Variants in ABCC6 observed in about 807,000 individuals in gnomAD.
ABCC6 encodes the protein ATP binding cassette subfamily C member 6.
A neutral mutation model predicts 169.5 loss-of-function variants in ABCC6; 126 were observed. The ratio of observed to expected loss-of-function variants is 0.74; its 90% CI spans 0.64 to 0.86. ABCC6 has a LOEUF of 0.86. Ranked by LOEUF, ABCC6 falls within the 40% of genes least tolerant of loss-of-function variation. The probability of loss-of-function intolerance (pLI) is 0.00; values close to 1 mark genes in which losing one functional copy is unlikely to be tolerated. For synonymous variants in ABCC6, 752 were observed against 814.7 expected, an observed-to-expected ratio of 0.92 and a Z score of 1.31; for missense variants, 1,733 against 1,927.2, an observed-to-expected ratio of 0.90 and a Z score of 1.89.
Position 16,159,540 on chromosome 16 carries a change from A to G in ABCC6, c.3677T>C (p.Leu1226Pro), listed in dbSNP as rs770483331. 1 of 1,613,910 alleles carries G rather than the reference A, an allele frequency of 6.2e-7. No individual in the cohort carries two copies. Among genetic ancestry groups the G allele is most frequent in the Non-Finnish European group, 8.5e-7 (1 of 1,179,998 alleles). The part of the protein sequence containing the change: ...LQWVVRNWTD[L>P]ENSIVSVERM... ...CTCCACTGACACGATGCTGTTCTCT[A>G]GGTCTGTCCAGTTGCGAACAACCCA... Residue 1226 changes from leucine (L) to proline (P), a missense_variant, in exon 26 of 31, where the codon CTA becomes CCA. By Grantham distance (98) the Leu-to-Pro change is moderately conservative (BLOSUM62 -3). Transcript: ENST00000205557.
intron 10 of ABCC6, among the ~76,000 whole-genome samples, chr16:16,194,396 C>A (rs889176617): frequency 6.6e-6 from 1 of 152,186 alleles, no homozygotes; most frequent in Admixed American, 6.5e-5. Flanking sequence ...GAAATTCTTC[C>A]GTTTGTCTGA....
intron 20 of ABCC6, among the ~76,000 whole-genome samples, chr16:16,174,761 C>CCCG (rs201139175): frequency 0.18 from 20,149 of 110,664 alleles, 3,702 homozygotes; most frequent in South Asian, 0.31. Context: ...TGTCTCAAAA[C>CCCG]CCCCCCCCGC....
Position 16,154,678 on chromosome 16 carries a change from G to C in ABCC6, c.4158C>G (p.Ser1386Arg). The C allele has an allele frequency of 6.2e-7, 1 of 1,613,278 alleles. No homozygotes were observed. Among genetic ancestry groups the C allele is most frequent in the Non-Finnish European group, 8.5e-7 (1 of 1,179,996 alleles). ...ETVQLKALVA[S>R]LPGQLQYKCA... ...ACTTGTACTGCAGCTGGCCGGGCAG[G>C]CTGGCCACCAAGGCTTTGAGCTGCA... The change falls in exon 29 of 31, where the codon AGC becomes AGG. Residue 1386 changes from serine (S) to arginine (R), a missense_variant. Physicochemically the swap from Ser to Arg is moderately radical, Grantham distance 110 (BLOSUM62 -1). This residue lies in a region of ABCC6 where 1,601 missense variants were observed against 1,635.5 expected (regional missense o/e 0.98). Transcript: ENST00000205557.
At chr16:16,215,088 C>A (rs531497267) in intron 4 of ABCC6, among the ~76,000 whole-genome samples, 1 of 152,240 alleles carries the variant, frequency 6.6e-6, no homozygotes, top group East Asian at 1.9e-4. Flanking sequence ...CTCCGTTCCA[C>A]CCTCTACCCC....
At chr16:16,212,734 C>A (rs2048682299) in intron 5 of ABCC6, among the ~76,000 whole-genome samples, 1 of 151,970 alleles carries the variant, frequency 6.6e-6, no homozygotes, top group Non-Finnish European at 1.5e-5. Flanking sequence ...ACAGGCCTGA[C>A]AATGTCCACA....
At chr16:16,160,246 C>G (rs887538308) in intron 25 of ABCC6, among the ~76,000 whole-genome samples, 1 of 152,180 alleles carries the variant, frequency 6.6e-6, no homozygotes. Flanking sequence ...CATGCTCCAG[C>G]CTCTTACTTC....
In ABCC6 at chr16:16,182,881, C is replaced by G. The variant is rs774573071; in HGVS notation, c.1993G>C (p.Val665Leu). The stretch of plus-strand genomic sequence containing the variant: ...AGCAGGGAGGACTTCCCTGCCCCCA[C>G]TGGACCGACAACAGCCAGCAGACAG... ...QGCLLAVVGP[V>L]GAGKSSLLSA... is the part of the protein sequence containing the mutation. The change falls in exon 16 of 31, where the codon GTG (valine) becomes CTG (leucine). Residue 665 changes from valine to leucine, a missense_variant. Val to Leu is a conservative substitution (Grantham distance 32, BLOSUM62 1). This residue lies in a region of ABCC6 where 1,601 missense variants were observed against 1,635.5 expected (regional missense o/e 0.98). Coordinates refer to ENST00000205557, the MANE Select transcript of ABCC6 (RefSeq NM_001171.6). 1.5e-5 allele frequency: 25 copies of G among 1,614,172 alleles called. No homozygotes were observed. The highest frequency in any genetic ancestry group is 2.1e-5 in the Non-Finnish European group (25 of 1,180,036).
At position 16,157,581 on chromosome 16, in the gene ABCC6, T is replaced by C. The variant is rs530120243; in HGVS notation, c.3882+82A>G. ...GAGGTGGGGACACTGTGGAGGTGGC[T>C]GGTGCCCAGGGTTTAGGGCCTTGTC... On this transcript the variant is annotated intron_variant, in intron 27 of 30. Coordinates refer to ENST00000205557, the MANE Select transcript of ABCC6 (RefSeq NM_001171.6). The C allele has an allele frequency of 6.0e-5, 95 of 1,579,568 alleles. No individual in the cohort carries two copies. The African/African-American group carries it at 1.1e-3, about 19-fold the overall frequency.
intron 13 of ABCC6, among the ~76,000 whole-genome samples, chr16:16,187,753 G>C (rs1400702000): frequency 6.6e-6 from 1 of 152,038 alleles, no homozygotes; most frequent in Admixed American, 6.6e-5. Flanking sequence ...AAATTAGCCG[G>C]ATGTGGTGGC....
intron 22 of ABCC6, 110 bp downstream of exon 22, chr16:16,169,536 A>T (rs531032999): frequency 3.5e-5 from 46 of 1,312,960 alleles, no homozygotes; most frequent in Middle Eastern, 5.1e-4. Flanking sequence ...GACGTTTTGC[A>T]CACTGTTCCA....
At position 16,150,207 on chromosome 16, in the gene ABCC6, T is replaced by G; in HGVS notation, c.4438A>C (p.Ser1480Arg). ...LVMDKGQVAE[S>R]GSPAQLLAQK... The stretch of plus-strand genomic sequence containing the variant: ...GCCAGCAGCTGGGCCGGGCTGCCGC[T>G]CTCTGCCACCTGCCCCTTGTCCATG... The change falls in exon 31 of 31, where the codon AGC becomes CGC. Residue 1480 changes from serine to arginine, a missense_variant. By Grantham distance (110) the Ser-to-Arg change is moderately radical. This residue lies in a region of ABCC6 where 1,601 missense variants were observed against 1,635.5 expected (regional missense o/e 0.98). Coordinates refer to ENST00000205557, the MANE Select transcript of ABCC6 (RefSeq NM_001171.6). 3 of 1,613,910 alleles carry G rather than the reference T, an allele frequency of 1.9e-6. No individual in the cohort carries two copies. Among genetic ancestry groups the G allele is most frequent in the Non-Finnish European group, 2.5e-6 (3 of 1,179,996 alleles).
chr16:16,183,551 A>G (rs529263870), intron 15 of ABCC6, among the ~76,000 whole-genome samples: 1 of 152,314 alleles, frequency 6.6e-6, no homozygotes, highest in South Asian at 2.1e-4. Context: ...ACGATCAGGA[A>G]TGACATCTCC....
rs1466190573 is a variant in ABCC6 at position 16,185,023 on chromosome 16, C to T, written c.1879G>A (p.Asp627Asn). The T allele has an allele frequency of 5.0e-6, 8 of 1,613,702 alleles. No homozygotes were observed. The highest frequency in any genetic ancestry group is 6.8e-6 in the Non-Finnish European group (8 of 1,179,600). Residue 627 changes from aspartate (D) to asparagine (N), a missense_variant, in exon 15 of 31, where the codon GAT (aspartate) becomes AAT (asparagine). Physicochemically the swap from Asp to Asn is conservative, Grantham distance 23. Transcript: ENST00000205557. Reference protein sequence around the residue: ...SSSSGSAAGKDCITIHSATFA... With the variant: ...SSSSGSAAGKNCITIHSATFA... ...GTGGCACTGTGTATGGTGATGCAAT[C>T]CTTCCCGGCAGCTGCAGGGCACAAG...
chr16:16,212,475 A>AT, intron 5 of ABCC6, among the ~76,000 whole-genome samples: 1 of 149,390 alleles, frequency 6.7e-6, no homozygotes, highest in South Asian at 2.1e-4. Flanking sequence ...CACACAGCTA[A>AT]TTTTTTGTGT....
chr16:16,174,759 A>ACCCC lies in ABCC6; in HGVS notation c.2666+1151_2666+1152insGGGG, dbSNP rs200038324. Among the ~76,000 whole-genome samples, 103 of 84,480 alleles carry ACCCC rather than the reference A, an allele frequency of 1.2e-3. 1 individual carries two copies. Among genetic ancestry groups the ACCCC allele is most frequent in the African/African-American group, 3.1e-3 (88 of 28,394 alleles). The allele number at this position is 84,480 out of a possible 152,430, so 55.4% of individuals were successfully genotyped here. The stretch of plus-strand genomic sequence containing the variant: ...GCGACAGAGCAAGATTCTGTCTCAA[A>ACCCC]ACCCCCCCCCGCAAAAAACAAAAAA... On this transcript the variant is annotated intron_variant, in intron 20 of 30. Transcript: ENST00000205557.
chr16:16,150,055 T>C lies in ABCC6; in HGVS notation c.*78A>G. On this transcript the variant is annotated 3_prime_UTR_variant, in exon 31 of 31. Transcript: ENST00000205557. ...ACTCAATATCGTGTGGAGCTATCGA[T>C]GACCACGGGTCACTTCCATCTCCAG... is the stretch of plus-strand genomic sequence containing the variant. 6.3e-7 allele frequency: 1 copy of C among 1,587,490 alleles called. No individual in the cohort carries two copies. The highest frequency in any genetic ancestry group is 8.6e-7 in the Non-Finnish European group (1 of 1,166,644).
chr16:16,215,460 T>TGTGC (rs1298547735), intron 4 of ABCC6, among the ~76,000 whole-genome samples: 19 of 151,250 alleles, frequency 1.3e-4, no homozygotes, highest in Non-Finnish European at 2.4e-4. Context: ...TGTGTGTGTG[T>TGTGC]GTGTGTGTGT....
At position 16,178,961 on chromosome 16, in the gene ABCC6, A is replaced by T. The variant is rs72653786; in HGVS notation, c.2252T>A (p.Met751Lys). ...CTGCTTCTGGCCTCCGGAGAGATTCATGCCCTGTGGCCACAAAAGGAACAG... is the reference window on the plus strand; with the variant it reads ...CTGCTTCTGGCCTCCGGAGAGATTCTTGCCCTGTGGCCACAAAAGGAACAG... ...GIHTSIGEQG[M>K]NLSGGQKQRL... Residue 751 changes from methionine (M) to lysine (K), a missense_variant, in exon 18 of 31, where the codon ATG (methionine) becomes AAG (lysine). This residue lies in a region of ABCC6 where 1,601 missense variants were observed against 1,635.5 expected (regional missense o/e 0.98). Coordinates refer to ENST00000205557, the MANE Select transcript of ABCC6 (RefSeq NM_001171.6). 5.6e-6 allele frequency: 9 copies of T among 1,612,326 alleles called. No individual in the cohort carries two copies. The highest frequency in any genetic ancestry group is 7.6e-6 in the Non-Finnish European group (9 of 1,179,972).
rs745709089 is a variant in ABCC6, at chr16:16,163,208, G to C, written c.3307-16C>G. On this transcript the variant is annotated splice_polypyrimidine_tract_variant and intron_variant, in intron 23 of 30. Transcript: ENST00000205557. ...CATACAGGCTCTGAGAAGGATGGAT[G>C]GGAGAGGGAAGAGGAGAAGCCACAG... 2 of 1,611,418 alleles carry C rather than the reference G, an allele frequency of 1.2e-6. No individual in the cohort carries two copies. Among genetic ancestry groups the C allele is most frequent in the African/African-American group, 2.7e-5 (2 of 74,906 alleles).
Sources: gnomAD v4.1 joint callset for allele counts (sites outside exome capture counted in the v4.1 genomes callset) on GRCh38, gnomAD v4.1.1 for gene constraint, gnomAD v4.1.1 regional missense constraint, MANE v1.5 for transcripts, NCBI Gene and HGNC (gene_info 2026-07-23, HGNC 2026-07-21) for gene names.